The following ADAMTS20 variants were observed in gnomAD, a reference collection of about 807,000 sequenced individuals.
ADAMTS20 encodes A disintegrin and metalloproteinase with thrombospondin motifs 20.
ADAMTS20 carries 225 observed loss-of-function variants against 260.1 expected under a neutral mutation model. The observed-to-expected ratio is 0.87, with a 90% CI of 0.78 to 0.97. The LOEUF (loss-of-function observed/expected upper bound fraction) is 0.97. Among genes scored for constraint, ADAMTS20 ranks in the 50% least tolerant of loss-of-function variants. The pLI is 0.00. For missense variants in ADAMTS20, 2,400 were observed against 2,337.7 expected (o/e 1.03, Z -0.55); for synonymous variants, 802 against 769.5 (o/e 1.04, Z -0.70).
At chr12:43,421,877 T>C (rs990640687) in intron 28 of ADAMTS20, among the ~76,000 whole-genome samples, 3 of 151,888 alleles carry the variant, frequency 2.0e-5, no homozygotes, top group Admixed American at 1.3e-4. Flanking sequence ...CAATTAAATG[T>C]TTAATAAGAG....
downstream of ADAMTS20, among the ~76,000 whole-genome samples, chr12:43,352,988 A>G (rs1339561940): frequency 1.3e-5 from 2 of 152,146 alleles, no homozygotes; most frequent in African/African-American, 4.8e-5. Flanking sequence ...TCTGTAATAA[A>G]TGTTTGGGAG....
rs566622223 is a variant in ADAMTS20, at chr12:43,427,206, A to G, written c.4107+102T>C. Reference sequence around the variant, plus strand: ...AAAAAAACAAAAATTCTTTTTCTACATAGTATAGTGAAATCAGATTATTGA... The same window carrying G: ...AAAAAAACAAAAATTCTTTTTCTACGTAGTATAGTGAAATCAGATTATTGA... On this transcript the variant is annotated intron_variant, in intron 27 of 38. Transcript: ENST00000389420. The G allele has an allele frequency of 9.1e-6, 12 of 1,316,906 alleles. No homozygotes were observed. In the African/African-American group the frequency reaches 1.2e-4, roughly 13 times the overall value. 81.6% of individuals were successfully genotyped at this position (1,316,906 alleles called of 1,614,324 possible). A position where few individuals can be genotyped will look rare whatever the true frequency, so the allele number is the denominator to read the frequency against.
intron 37 of ADAMTS20, among the ~76,000 whole-genome samples, chr12:43,366,418 G>T (rs11182040): frequency 6.6e-6 from 1 of 151,712 alleles, no homozygotes; most frequent in Non-Finnish European, 1.5e-5. Context: ...GAACTAAGCA[G>T]AAGATCAACA....
At chr12:43,448,262 A>G (rs1414933619) in intron 14 of ADAMTS20, among the ~76,000 whole-genome samples, 1 of 152,232 alleles carries the variant, frequency 6.6e-6, no homozygotes, top group Non-Finnish European at 1.5e-5. Flanking sequence ...TACAGTAACC[A>G]AAACAGCATG....
chr12:43,506,481 C>CTT (rs760918178), intron 3 of ADAMTS20, among the ~76,000 whole-genome samples: 5 of 144,390 alleles, frequency 3.5e-5, no homozygotes, highest in Admixed American at 6.9e-5. Context: ...CTCATGTTAC[C>CTT]TTTTTTTTTT....
chr12:43,463,224 A>G (rs1202055958), intron 10 of ADAMTS20, among the ~76,000 whole-genome samples: 1 of 152,356 alleles, frequency 6.6e-6, no homozygotes, highest in Admixed American at 6.5e-5. Flanking sequence ...TTTTATTCAT[A>G]CATTGAATAG....
At chr12:43,438,751 C>T (rs1481620683) in intron 18 of ADAMTS20, among the ~76,000 whole-genome samples, 1 of 152,130 alleles carries the variant, frequency 6.6e-6, no homozygotes, top group Non-Finnish European at 1.5e-5. Flanking sequence ...CACTCCTGCC[C>T]TAATTCCCAA....
At chr12:43,438,445 T>C (rs1941597949) in intron 18 of ADAMTS20, among the ~76,000 whole-genome samples, 1 of 152,182 alleles carries the variant, frequency 6.6e-6, no homozygotes, top group Admixed American at 6.5e-5. Context: ...GCTCTGTGTT[T>C]TCTACCTCTA....
At chr12:43,430,579 T>A (rs1437002510) in intron 22 of ADAMTS20, 108 bp from the exon 23 acceptor site, 1 of 1,055,430 alleles carries the variant, frequency 9.5e-7, no homozygotes, top group African/African-American at 1.6e-5. Context: ...ATAATCTTTT[T>A]ATCAATCCTT....
At position 43,427,549 on chromosome 12, in the gene ADAMTS20, C is replaced by T. The variant is rs140425599; in HGVS notation, c.3946-80G>A. The T allele has an allele frequency of 2.0e-4, 266 of 1,301,228 alleles. 5 individuals are homozygous for T. The African/African-American group carries it at 3.1e-3, about 15-fold the overall frequency. 80.6% of individuals were successfully genotyped at this position (1,301,228 alleles called of 1,614,324 possible). On this transcript the variant is annotated intron_variant, in intron 26 of 38. Transcript: ENST00000389420. ...TTACATGGTAAAAAAAAAAAATCAGCATTGACTCAATCAAAATCAAACCCT... is the reference window on the plus strand; with the variant it reads ...TTACATGGTAAAAAAAAAAAATCAGTATTGACTCAATCAAAATCAAACCCT...
At chr12:43,518,842 A>G (rs936989632) in intron 3 of ADAMTS20, among the ~76,000 whole-genome samples, 1 of 151,094 alleles carries the variant, frequency 6.6e-6, no homozygotes, top group Admixed American at 6.6e-5. Context: ...AAAAAGAATA[A>G]TCTGACAACT....
intron 4 of ADAMTS20, among the ~76,000 whole-genome samples, chr12:43,493,913 A>T (rs1942641630): frequency 6.6e-6 from 1 of 152,172 alleles, no homozygotes; most frequent in South Asian, 2.1e-4. Flanking sequence ...CCTGGTCCTC[A>T]ATTTTCCAGG....
In ADAMTS20 at chr12:43,466,803, T is replaced by TA; in HGVS notation, c.1224-9dup. ...TCATGTTGAACACCAAGTCTAAAAATAAAAATAAACACTTAAAAGGAATAT... is the reference window on the plus strand; with the variant it reads ...TCATGTTGAACACCAAGTCTAAAAATAAAAAATAAACACTTAAAAGGAATAT... On this transcript the variant is annotated splice_polypyrimidine_tract_variant and intron_variant, in intron 8 of 38. Transcript: ENST00000389420. 1 of 1,573,762 alleles carries TA rather than the reference T, an allele frequency of 6.4e-7. No homozygotes were observed.
At position 43,452,247 on chromosome 12, in the gene ADAMTS20, T is replaced by C. The variant is rs770276026; in HGVS notation, c.2079+27A>G. The C allele has an allele frequency of 6.4e-6, 10 of 1,567,826 alleles. No homozygotes were observed. In the Admixed American group the frequency reaches 8.5e-5, roughly 13 times the overall value. On this transcript the variant is annotated intron_variant, in intron 14 of 38. Transcript: ENST00000389420. ...ACATTATTCTTAAAGTCACTTTAAA[T>C]CTAATAGAAACTTATAGTTTACTTA...
At chr12:43,396,449 A>G (rs1484080788) in intron 29 of ADAMTS20, among the ~76,000 whole-genome samples, 1 of 152,184 alleles carries the variant, frequency 6.6e-6, no homozygotes, top group African/African-American at 2.4e-5. Flanking sequence ...TCTGTTTAAT[A>G]CATTATTATA....
Position 43,496,702 on chromosome 12 carries a change from T to C in ADAMTS20, c.868-3449A>G, listed in dbSNP as rs183178488. 7.7e-4 allele frequency among the ~76,000 whole-genome samples: 118 copies of C among 152,296 alleles called. 1 individual carries two copies. The highest frequency in any genetic ancestry group is 2.7e-3 in the African/African-American group (111 of 41,566). On this transcript the variant is annotated intron_variant, in intron 4 of 38. Coordinates refer to ENST00000389420, the MANE Select transcript of ADAMTS20 (RefSeq NM_025003.5). ...CCTTGGGTCACAATGTCCTTGCATA[T>C]TGGATTAATATTAACCAGGTGCTGT...
chr12:43,459,765 T>C (rs1414539600), intron 11 of ADAMTS20, among the ~76,000 whole-genome samples: 2 of 152,194 alleles, frequency 1.3e-5, no homozygotes, highest in African/African-American at 4.8e-5. Context: ...AAGAAAGCCA[T>C]ATTAGAAGTG....
At chr12:43,544,664 G>T (rs902885031) in intron 2 of ADAMTS20, among the ~76,000 whole-genome samples, 1 of 152,132 alleles carries the variant, frequency 6.6e-6, no homozygotes, top group African/African-American at 2.4e-5. Flanking sequence ...AGAGAGAAGA[G>T]CAAATATAAA....
intron 2 of ADAMTS20, among the ~76,000 whole-genome samples, chr12:43,535,389 T>C (rs910702032): frequency 4.5e-5 from 6 of 134,574 alleles, no homozygotes; most frequent in Admixed American, 3.6e-4. Flanking sequence ...ATAAAGACTC[T>C]TGCTTGCAGG....
Sources: gnomAD v4.1 joint callset for allele counts (sites outside exome capture counted in the v4.1 genomes callset) on GRCh38, gnomAD v4.1.1 for gene constraint, MANE v1.5 for transcripts, NCBI Gene and HGNC (gene_info 2026-07-23, HGNC 2026-07-21) for gene names.